HSPA12A: variants seen among roughly 807,000 people sequenced by gnomAD.
The protein encoded by HSPA12A is heat shock protein family A (Hsp70) member 12A.
A neutral mutation model predicts 69.2 loss-of-function variants in HSPA12A; 28 were observed. The ratio of observed to expected loss-of-function variants is 0.40; its 90% CI spans 0.30 to 0.55. The LOEUF (loss-of-function observed/expected upper bound fraction) is 0.55. HSPA12A is among the 20% of genes least tolerant of loss of function. The pLI is 0.38. For synonymous variants in HSPA12A, 345 were observed against 370.5 expected, an observed-to-expected ratio of 0.93 and a Z score of 0.79; for missense variants, 686 against 900.7, an observed-to-expected ratio of 0.76 and a Z score of 3.05.
At position 116,723,906 on chromosome 10, in the gene HSPA12A, T is replaced by G. The variant is rs1395566734; in HGVS notation, c.41-16621A>C. 1.3e-5 allele frequency among the ~76,000 whole-genome samples: 2 copies of G among 152,178 alleles called. No homozygotes were observed. Among genetic ancestry groups the G allele is most frequent in the Non-Finnish European group, 2.9e-5 (2 of 68,024 alleles). On this transcript the variant is annotated intron_variant, in intron 1 of 11. Transcript: ENST00000369209. This position sits in a 1 kb window ranked among gnomAD's most constrained non-coding sequence, Gnocchi z 4.1. ...CTGAGGGCCCCTGACCATACCCCAG[T>G]AGCTGAGGCCAGCGGGTCACCTGTA...
intron 2 of HSPA12A, among the ~76,000 whole-genome samples, chr10:116,808,893 C>T (rs1329156854): frequency 6.6e-6 from 1 of 152,164 alleles, no homozygotes; most frequent in Non-Finnish European, 1.5e-5. Flanking sequence ...CGTAGGGTCA[C>T]GACATGGCGG....
rs1224446078 is a variant in HSPA12A at position 116,675,705 on chromosome 10, A to G, written c.1391-287T>C. Among the ~76,000 whole-genome samples, 1 of 152,228 alleles carries G rather than the reference A, an allele frequency of 6.6e-6. No individual in the cohort carries two copies. The highest frequency in any genetic ancestry group is 1.5e-5 in the Non-Finnish European group (1 of 68,036). ...AGTAGAATTTGGTTTGCATAAATGA[A>G]TACTCCTAAAGCTCTCCAAACCTGT... On this transcript the variant is annotated intron_variant, in intron 11 of 11. Transcript: ENST00000369209. This position sits in a 1 kb window ranked among gnomAD's most constrained non-coding sequence, Gnocchi z 5.2.
chr10:116,704,833 C>A (rs1262315279), intron 3 of HSPA12A, among the ~76,000 whole-genome samples: 1 of 152,112 alleles, frequency 6.6e-6, no homozygotes, highest in African/African-American at 2.4e-5. Context: ...CACCTGGATC[C>A]CTCCATCACA....
At chr10:116,718,320 A>AG (rs1554884006) in intron 1 of HSPA12A, among the ~76,000 whole-genome samples, 1 of 152,108 alleles carries the variant, frequency 6.6e-6, no homozygotes, top group African/African-American at 2.4e-5. Context: ...TGGGGAGGGG[A>AG]GAGGGAAGAG....
chr10:116,718,608 A>G (rs1459234768), intron 1 of HSPA12A, among the ~76,000 whole-genome samples: 2 of 152,030 alleles, frequency 1.3e-5, no homozygotes, highest in African/African-American at 2.4e-5. Context: ...CTTGAGGGAC[A>G]CCTCCCAAGC....
intron 1 of HSPA12A, chr10:116,835,199 A>G (rs567866696): frequency 3.1e-6 from 1 of 325,688 alleles, no homozygotes; most frequent in African/African-American, 2.1e-5. Flanking sequence ...TACACTTACC[A>G]CCTACTTGTT....
intron 2 of HSPA12A, among the ~76,000 whole-genome samples, chr10:116,818,062 C>G (rs1845341181): frequency 6.6e-6 from 1 of 152,226 alleles, no homozygotes; most frequent in Non-Finnish European, 1.5e-5. Context: ...GCATCAGCCT[C>G]CTGTCTGGCT....
intron 2 of HSPA12A, chr10:116,829,886 G>T (rs1340874386): frequency 2.0e-5 from 3 of 152,122 alleles, no homozygotes; most frequent in African/African-American, 7.2e-5. Context: ...GAGCCTTTTG[G>T]GTTTGTGCTA....
chr10:116,740,961 T>TAA (rs5788190), intron 1 of HSPA12A, among the ~76,000 whole-genome samples: 3 of 84,708 alleles, frequency 3.5e-5, no homozygotes, highest in East Asian at 4.0e-4. Context: ...AGGAAAAAAG[T>TAA]AAAAAAAAAA....
chr10:116,723,230 C>T lies in HSPA12A; in HGVS notation c.41-15945G>A, dbSNP rs10787723. ...ATTGCCCCCCCATCATTCCTGTCCTCATACAACCCCCTGCACAGCTGGGCT... is the reference window on the plus strand; with the variant it reads ...ATTGCCCCCCCATCATTCCTGTCCTTATACAACCCCCTGCACAGCTGGGCT... On this transcript the variant is annotated intron_variant, in intron 1 of 11. Transcript: ENST00000369209. The surrounding 1 kb of genome is among the most constrained non-coding windows in gnomAD (Gnocchi z 4.1). 0.23 allele frequency among the ~76,000 whole-genome samples: 34,951 copies of T among 151,622 alleles called. 4,679 individuals carry two copies. Among genetic ancestry groups the T allele is most frequent in the Middle Eastern group, 0.41 (118 of 290 alleles).
intron 5 of HSPA12A, among the ~76,000 whole-genome samples, chr10:116,696,320 C>T (rs1481156677): frequency 6.6e-6 from 1 of 152,148 alleles, no homozygotes; most frequent in Non-Finnish European, 1.5e-5. Context: ...TAATAATCCC[C>T]ACGTGTCAAG....
chr10:116,777,628 G>A (rs879965109), intron 2 of HSPA12A, among the ~76,000 whole-genome samples: 7 of 152,338 alleles, frequency 4.6e-5, no homozygotes, highest in Non-Finnish European at 7.3e-5. Context: ...GTAAAGAGAC[G>A]CACGCCACTA....
At chr10:116,693,883 A>G (rs531612050) in intron 5 of HSPA12A, among the ~76,000 whole-genome samples, 2 of 152,338 alleles carry the variant, frequency 1.3e-5, no homozygotes, top group South Asian at 2.1e-4. Flanking sequence ...ATTTTAAAAC[A>G]TCTTTCTAAA....
intron 1 of HSPA12A, among the ~76,000 whole-genome samples, chr10:116,841,933 C>T (rs932884328): frequency 5.3e-5 from 8 of 151,928 alleles, no homozygotes; most frequent in African/African-American, 9.7e-5. Flanking sequence ...CAATAATTAA[C>T]GTAAAGTCAA....
intron 2 of HSPA12A, among the ~76,000 whole-genome samples, chr10:116,705,656 G>C (rs1850220674): frequency 6.6e-6 from 1 of 152,242 alleles, no homozygotes; most frequent in Non-Finnish European, 1.5e-5. Flanking sequence ...GCAAGACCCT[G>C]TGCAGACCTC....
At chr10:116,717,076 G>T (rs990995784) in intron 1 of HSPA12A, among the ~76,000 whole-genome samples, 1 of 152,168 alleles carries the variant, frequency 6.6e-6, no homozygotes, top group Non-Finnish European at 1.5e-5. Context: ...TGCAAGCTAA[G>T]AGCCTTACAG....
At chr10:116,750,435 G>T in intron 2 of HSPA12A, 1 of 612,780 alleles carries the variant, frequency 1.6e-6, no homozygotes, top group Non-Finnish European at 3.0e-6. Context: ...GGTACCCAAT[G>T]ATTCCCTGGT....
intron 2 of HSPA12A, among the ~76,000 whole-genome samples, chr10:116,823,170 A>G (rs1026778080): frequency 6.6e-6 from 1 of 152,258 alleles, no homozygotes; most frequent in Non-Finnish European, 1.5e-5. Context: ...GAAATGAACA[A>G]TCCAAAAATA....
intron 2 of HSPA12A, among the ~76,000 whole-genome samples, chr10:116,799,605 G>A (rs17095277): frequency 0.031 from 4,670 of 152,302 alleles, 239 homozygotes; most frequent in African/African-American, 0.11. Flanking sequence ...AATAGAGAAC[G>A]TTATTAAACC....
Sources: gnomAD v4.1 joint callset for allele counts (sites outside exome capture counted in the v4.1 genomes callset) on GRCh38, gnomAD v4.1.1 for gene constraint, Gnocchi (gnomAD v3.1) non-coding constraint, MANE v1.5 for transcripts, NCBI Gene and HGNC (gene_info 2026-07-23, HGNC 2026-07-21) for gene names.